LRRC1: variants seen among roughly 807,000 people sequenced by gnomAD.
The protein encoded by LRRC1 is leucine-rich repeat-containing protein 1.
LRRC1 carries 28 observed loss-of-function variants against 69.9 expected under a neutral mutation model. That is an observed-to-expected ratio of 0.40 (90% CI 0.30 to 0.55). The LOEUF (loss-of-function observed/expected upper bound fraction) is 0.55. Ranked by LOEUF, LRRC1 falls within the 20% of genes least tolerant of loss-of-function variation. LRRC1 has a pLI of 0.47. For synonymous variants in LRRC1, 236 were observed against 240.2 expected (o/e 0.98, Z 0.16); for missense variants, 498 against 609.0 (o/e 0.82, Z 1.92).
intron 2 of LRRC1, among the ~76,000 whole-genome samples, chr6:53,872,763 T>A (rs1354188408): frequency 6.9e-6 from 1 of 145,498 alleles, no homozygotes. Context: ...TTTTTTTTTT[T>A]TTTTTTTTTT....
intron 2 of LRRC1, 30 bp from the exon 3 acceptor site, chr6:53,878,963 A>C: frequency 6.9e-7 from 1 of 1,444,058 alleles, no homozygotes; most frequent in Non-Finnish European, 9.7e-7. Flanking sequence ...TAATGGTGGC[A>C]AATTATAGAC....
intron 7 of LRRC1, among the ~76,000 whole-genome samples, chr6:53,898,680 G>A (rs1306759352): frequency 6.6e-6 from 1 of 152,150 alleles, no homozygotes; most frequent in Non-Finnish European, 1.5e-5. Context: ...AGATACAAAG[G>A]CATTGTTAAA....
rs372648507 is a variant in LRRC1 at position 53,896,900 on chromosome 6, C to T, written c.567+8C>T. The stretch of plus-strand genomic sequence containing the variant: ...AATGAAATATATAATTTGGTAAGTC[C>T]GTATTAGAGATTTGAATTTAACTTT... On this transcript the variant is annotated splice_region_variant and intron_variant, in intron 6 of 13. Transcript: ENST00000370888. 24 of 1,540,010 alleles carry T rather than the reference C, an allele frequency of 1.6e-5. No individual in the cohort carries two copies. The highest frequency in any genetic ancestry group is 2.2e-5 in the East Asian group (1 of 44,504).
At chr6:53,914,245 G>T (rs1242041691) in intron 11 of LRRC1, among the ~76,000 whole-genome samples, 2 of 152,052 alleles carry the variant, frequency 1.3e-5, no homozygotes, top group African/African-American at 4.8e-5. Flanking sequence ...GTGATGCCAG[G>T]GAAAGAGCAC....
chr6:53,820,769 TTTTC>T (rs369578816), intron 1 of LRRC1, among the ~76,000 whole-genome samples: 106 of 152,230 alleles, frequency 7.0e-4, no homozygotes, highest in Middle Eastern at 3.4e-3. Context: ...GTGGGAACAT[TTTTC>T]TTTCTTTAGT....
At position 53,827,540 on chromosome 6, in the gene LRRC1, C is replaced by T. The variant is rs78050176; in HGVS notation, c.160-14570C>T. Among the ~76,000 whole-genome samples the T allele has an allele frequency of 6.6e-3, 1,011 of 152,118 alleles. 11 individuals carry two copies. Among genetic ancestry groups the T allele is most frequent in the African/African-American group, 0.024 (975 of 41,486 alleles). On this transcript the variant is annotated intron_variant, in intron 1 of 13. Transcript: ENST00000370888. The stretch of plus-strand genomic sequence containing the variant: ...AATTGGGTAAAGGCCTCAGAGAGGT[C>T]GTGGCATTTGAGGATGAATAAAATG...
At chr6:53,861,720 C>A (rs986150577) in intron 2 of LRRC1, among the ~76,000 whole-genome samples, 7 of 151,906 alleles carry the variant, frequency 4.6e-5, no homozygotes, top group African/African-American at 1.2e-4. Flanking sequence ...TCACTCCTGG[C>A]CCTGCACCCT....
At chr6:53,835,368 T>G (rs1765584485) in intron 1 of LRRC1, among the ~76,000 whole-genome samples, 1 of 152,192 alleles carries the variant, frequency 6.6e-6, no homozygotes, top group Admixed American at 6.5e-5. Flanking sequence ...GAAATGCAAT[T>G]CTATAATTTT....
chr6:53,887,504 A>G (rs1767527243), intron 4 of LRRC1, among the ~76,000 whole-genome samples: 3 of 151,914 alleles, frequency 2.0e-5, no homozygotes, highest in Non-Finnish European at 4.4e-5. Context: ...TGAGGTGCAT[A>G]TACTGTCTCA....
intron 1 of LRRC1, among the ~76,000 whole-genome samples, chr6:53,800,535 A>G (rs751746786): frequency 1.3e-5 from 2 of 151,806 alleles, no homozygotes; most frequent in Non-Finnish European, 2.9e-5. Context: ...TACAGGCATG[A>G]GTCACCATGC....
At chr6:53,804,921 T>C (rs1410408578) in intron 1 of LRRC1, among the ~76,000 whole-genome samples, 4 of 152,224 alleles carry the variant, frequency 2.6e-5, no homozygotes, top group African/African-American at 9.6e-5. Context: ...GGTAAAGTGA[T>C]GTATTAAAGG....
chr6:53,808,537 C>A (rs1764700486), intron 1 of LRRC1, among the ~76,000 whole-genome samples: 1 of 152,164 alleles, frequency 6.6e-6, no homozygotes, highest in African/African-American at 2.4e-5. Flanking sequence ...TTAATCCTTA[C>A]AACCATAGCT....
intron 13 of LRRC1, among the ~76,000 whole-genome samples, chr6:53,921,946 T>A (rs1768754627): frequency 6.6e-6 from 1 of 152,222 alleles, no homozygotes; most frequent in African/African-American, 2.4e-5. Context: ...GTTAACCTAG[T>A]TTGGTTCCCC....
chr6:53,869,767 C>G (rs1272352502), intron 2 of LRRC1, among the ~76,000 whole-genome samples: 1 of 152,092 alleles, frequency 6.6e-6, no homozygotes, highest in East Asian at 1.9e-4. Context: ...AAAACTGTAA[C>G]AGATCTTACA....
Position 53,800,253 on chromosome 6 carries a change from T to C in LRRC1, c.159+4838T>C, listed in dbSNP as rs868755474. On this transcript the variant is annotated intron_variant, in intron 1 of 13. Transcript: ENST00000370888. ...TAAAATAATGTTTCTTTTTCTTTTT[T>C]TTTTTTTTTTTTTTTTTTGAGACGA... is the stretch of plus-strand genomic sequence containing the variant. Among the ~76,000 whole-genome samples the C allele has an allele frequency of 1.5e-3, 201 of 137,438 alleles. 1 individual carries two copies. The highest frequency in any genetic ancestry group is 5.0e-3 in the African/African-American group (183 of 36,794). The allele number at this position is 137,438 out of a possible 152,430, so 90.2% of individuals were successfully genotyped here. A position where few individuals can be genotyped will look rare whatever the true frequency, so the allele number is the denominator to read the frequency against.
At chr6:53,844,573 AGAAAC>A (rs1227979722) in intron 2 of LRRC1, among the ~76,000 whole-genome samples, 1 of 152,254 alleles carries the variant, frequency 6.6e-6, no homozygotes, top group Non-Finnish European at 1.5e-5. Flanking sequence ...CGTTGATAAA[AGAAAC>A]TAGGCTTTCA....
intron 1 of LRRC1, among the ~76,000 whole-genome samples, chr6:53,810,223 T>C (rs1764752337): frequency 6.6e-6 from 1 of 152,150 alleles, no homozygotes; most frequent in South Asian, 2.1e-4. Flanking sequence ...AGTAGATAAA[T>C]GTTATGTCTC....
At chr6:53,864,415 C>G (rs1056610920) in intron 2 of LRRC1, among the ~76,000 whole-genome samples, 1 of 152,170 alleles carries the variant, frequency 6.6e-6, no homozygotes, top group Non-Finnish European at 1.5e-5. Flanking sequence ...ATGCATTCCT[C>G]CAGCATTTTT....
chr6:53,900,545 G>T (rs369728232), intron 8 of LRRC1, among the ~76,000 whole-genome samples: 1 of 152,132 alleles, frequency 6.6e-6, no homozygotes, highest in Non-Finnish European at 1.5e-5. Context: ...AGGCATATGA[G>T]CAGTCACTAA....
Sources: allele counts gnomAD v4.1 joint callset (sites outside exome capture counted in the v4.1 genomes callset), GRCh38; gene constraint gnomAD v4.1.1; transcripts MANE v1.5; gene names NCBI Gene and HGNC (gene_info 2026-07-23, HGNC 2026-07-21).